Variants in NTAN1 observed in about 807,000 individuals in gnomAD.
The protein encoded by NTAN1 is N-terminal asparagine amidase.
Under a neutral mutation model 41.9 loss-of-function variants are expected in NTAN1, and 32 were observed. The ratio of observed to expected loss-of-function variants is 0.76; its 90% CI spans 0.58 to 1.03. The LOEUF (loss-of-function observed/expected upper bound fraction) is 1.03. Among genes scored for constraint, NTAN1 ranks in the 50% least tolerant of loss-of-function variants. The pLI, the probability that NTAN1 is intolerant of heterozygous loss-of-function variation, is 0.00. For missense variants in NTAN1, 377 were observed against 377.5 expected (o/e 1.00, Z 0.01); for synonymous variants, 140 against 139.5 (o/e 1.00, Z -0.03).
rs924183989 is a variant in NTAN1 at position 15,038,397 on chromosome 16, A to G, written c.753+177T>C. The stretch of plus-strand genomic sequence containing the variant: ...GCTTTACCCACACACATTTCCATCT[A>G]GGACTTGACATATCCCCATTTGATA... On this transcript the variant is annotated intron_variant, in intron 9 of 9. Coordinates refer to ENST00000287706, the MANE Select transcript of NTAN1 (RefSeq NM_173474.4). 4.8e-6 allele frequency: 3 copies of G among 622,854 alleles called. No individual in the cohort carries two copies. The African/African-American group carries it at 5.5e-5, about 12-fold the overall frequency. 38.6% of individuals were successfully genotyped at this position (622,854 alleles called of 1,614,324 possible). A position where few individuals can be genotyped will look rare whatever the true frequency, so the allele number is the denominator to read the frequency against.
chr16:15,042,482 G>A (rs1047958227), intron 5 of NTAN1, among the ~76,000 whole-genome samples: 1 of 152,038 alleles, frequency 6.6e-6, no homozygotes, highest in African/African-American at 2.4e-5. Context: ...GAGCCACTGC[G>A]CCCAGTCGAC....
rs146251950 is a variant in NTAN1, at chr16:15,042,085, G to A, written c.434-409C>T. Among the ~76,000 whole-genome samples, 105 of 152,184 alleles carry A rather than the reference G, an allele frequency of 6.9e-4. No individual in the cohort carries two copies. The East Asian group carries it at 0.017, about 24-fold the overall frequency. On this transcript the variant is annotated intron_variant, in intron 5 of 9. Coordinates refer to ENST00000287706, the MANE Select transcript of NTAN1 (RefSeq NM_173474.4). ...AAATACAAGAGAACATAAGGAAGTC[G>A]GTTTTTAATGTCCATAATCCTAACA... is the stretch of plus-strand genomic sequence containing the variant.
chr16:15,038,402 T>G (rs970742563), intron 9 of NTAN1, 172 bp downstream of exon 9: 10 of 624,400 alleles, frequency 1.6e-5, no homozygotes, highest in African/African-American at 3.7e-5. Context: ...CATCTAGGAC[T>G]TGACATATCC....
intron 6 of NTAN1, 101 bp from the exon 7 acceptor site, chr16:15,041,222 AAGGG>A: frequency 2.6e-6 from 2 of 775,890 alleles, no homozygotes; most frequent in Non-Finnish European, 4.5e-6. Flanking sequence ...TCGATGCAGA[AAGGG>A]AGGAAAATTC....
chr16:15,038,923 G>GT lies in NTAN1; in HGVS notation c.640-237dup, dbSNP rs574328541. Among the ~76,000 whole-genome samples the GT allele has an allele frequency of 3.3e-3, 498 of 152,300 alleles. 10 individuals carry two copies. The highest frequency in any genetic ancestry group is 0.01 in the Middle Eastern group (3 of 294). On this transcript the variant is annotated intron_variant, in intron 8 of 9. Transcript: ENST00000287706. ...AACAGCAGTCCCACAGGACGAGGGT[G>GT]TTTTTTCCCATTTGGGGTGAAAACT...
At chr16:15,042,149 A>G (rs948899902) in intron 5 of NTAN1, among the ~76,000 whole-genome samples, 7 of 151,926 alleles carry the variant, frequency 4.6e-5, no homozygotes, top group African/African-American at 1.7e-4. Flanking sequence ...TATTTTTCTA[A>G]GCTCAGCAGA....
At chr16:15,050,177 TA>T (rs917879938) in intron 1 of NTAN1, among the ~76,000 whole-genome samples, 13 of 152,122 alleles carry the variant, frequency 8.5e-5, no homozygotes, top group African/African-American at 2.2e-4. Context: ...AGTAAGCTTG[TA>T]AAAAAAATTC....
At position 15,038,633 on chromosome 16, in the gene NTAN1, A is replaced by C; in HGVS notation, c.694T>G (p.Trp232Gly). 6.2e-7 allele frequency: 1 copy of C among 1,610,534 alleles called. No homozygotes were observed. Among genetic ancestry groups the C allele is most frequent in the Non-Finnish European group, 8.5e-7 (1 of 1,176,866 alleles). The change falls in exon 9 of 10, where the codon TGG becomes GGG. Residue 232 changes from tryptophan (W) to glycine (G), a missense_variant. Coordinates refer to ENST00000287706, the MANE Select transcript of NTAN1 (RefSeq NM_173474.4). ...TEQLRIGPYS[W>G]TPFPHVDFWL... ...AAATCCACATGTGGAAATGGTGTCC[A>C]GGAGTACGGTCCTATACGAAGTTGT... is the stretch of plus-strand genomic sequence containing the variant.
chr16:15,042,160 G>A (rs1341181996), intron 5 of NTAN1, among the ~76,000 whole-genome samples: 1 of 151,552 alleles, frequency 6.6e-6, no homozygotes, highest in Non-Finnish European at 1.5e-5. Flanking sequence ...GCTCAGCAGA[G>A]CTGACTATAA....
chr16:15,038,713 A>G (rs769442649), intron 8 of NTAN1, 26 bp from the exon 9 acceptor site: 1 of 1,288,124 alleles, frequency 7.8e-7, no homozygotes, highest in Non-Finnish European at 1.1e-6. Context: ...TCAAGGATAG[A>G]ATTTCAGGAA....
chr16:15,043,301 G>A (rs1293419174), intron 5 of NTAN1, among the ~76,000 whole-genome samples: 1 of 152,216 alleles, frequency 6.6e-6, no homozygotes, highest in African/African-American at 2.4e-5. Context: ...CTCCCAAAGT[G>A]CTGGGATTAC....
intron 5 of NTAN1, among the ~76,000 whole-genome samples, chr16:15,043,272 G>C (rs886761021): frequency 6.6e-6 from 1 of 152,188 alleles, no homozygotes; most frequent in Admixed American, 6.5e-5. Flanking sequence ...CTGACCTTAG[G>C]TGATCCACCT....
At chr16:15,051,163 T>C (rs2044276876) in intron 1 of NTAN1, among the ~76,000 whole-genome samples, 1 of 152,264 alleles carries the variant, frequency 6.6e-6, no homozygotes, top group South Asian at 2.1e-4. Flanking sequence ...GGCGAATTTT[T>C]AACACTCATG....
Position 15,056,011 on chromosome 16 carries a change from G to GC in NTAN1, c.-41dup, listed in dbSNP as rs930992804. ...CCCAGGCAGGCCCAGGGAGGCGGCG[G>GC]CCCCCCGCTTTGCAGCCCCGGGCCG... On this transcript the variant is annotated 5_prime_UTR_variant, in exon 1 of 10. Coordinates refer to ENST00000287706, the MANE Select transcript of NTAN1 (RefSeq NM_173474.4). The GC allele has an allele frequency of 3.0e-5, 33 of 1,113,894 alleles. No homozygotes were observed. The highest frequency in any genetic ancestry group is 1.4e-4 in the Admixed American group (3 of 21,718). The allele number at this position is 1,113,894 out of a possible 1,614,324, so 69.0% of individuals were successfully genotyped here. A position where few individuals can be genotyped will look rare whatever the true frequency, so the allele number is the denominator to read the frequency against.
rs148682831 is a variant in NTAN1 at position 15,044,455 on chromosome 16, C to T, written c.360-48G>A. 4.8e-4 allele frequency: 580 copies of T among 1,201,038 alleles called. 2 individuals are homozygous for T. The East Asian group carries it at 0.013, about 26-fold the overall frequency. The allele number at this position is 1,201,038 out of a possible 1,614,324, so 74.4% of individuals were successfully genotyped here. ...CAGAGGCCAGAAGAAGACACCGGTG[C>T]GTGCGCTGGTCTCACTTTGAACTTT... On this transcript the variant is annotated intron_variant, in intron 4 of 9. Coordinates refer to ENST00000287706, the MANE Select transcript of NTAN1 (RefSeq NM_173474.4).
chr16:15,044,407 C>A lies in NTAN1; in HGVS notation c.360G>T (p.Arg120Ser). 1 of 1,611,532 alleles carries A rather than the reference C, an allele frequency of 6.2e-7. No individual in the cohort carries two copies. The highest frequency in any genetic ancestry group is 8.5e-7 in the Non-Finnish European group (1 of 1,177,668). Residue 120 changes from arginine (R) to serine (S), a missense_variant and splice_region_variant, in exon 5 of 10, where the codon AGG becomes AGT. Physicochemically the swap from Arg to Ser is moderately radical, Grantham distance 110 (BLOSUM62 -1). Transcript: ENST00000287706. ...KSFSDHAQCGRLEVHLVGGFS... is the reference protein window; with the variant it reads ...KSFSDHAQCGSLEVHLVGGFS... ...AGCCTCCAACAAGGTGTACTTCCAG[C>A]CTGGCAAAGAGATGAGACGGGTCAG...
rs551078773 is a variant in NTAN1 at position 15,037,879 on chromosome 16, TTGAAAGTCATTTGA to T, written c.*138_*151del. ...GCCTTTGCCAAAATAAGGTTTTATT[TTGAAAGTCATTTGA>T]TGAAAGTCATTTGAAAGACACTGAG... On this transcript the variant is annotated 3_prime_UTR_variant, in exon 10 of 10. Transcript: ENST00000287706. 1.5e-4 allele frequency: 85 copies of T among 555,728 alleles called. No homozygotes were observed. In the South Asian group the frequency reaches 1.6e-3, roughly 11 times the overall value. The allele number at this position is 555,728 out of a possible 1,614,324, so 34.4% of individuals were successfully genotyped here.
intron 1 of NTAN1, among the ~76,000 whole-genome samples, chr16:15,052,966 AGG>A (rs887437310): frequency 1.3e-5 from 2 of 152,162 alleles, no homozygotes; most frequent in African/African-American, 2.4e-5. Context: ...AGAGTGACTA[AGG>A]GAGGGCTCTA....
At chr16:15,048,212 G>T in intron 1 of NTAN1, 113 bp from the exon 2 acceptor site, 1 of 687,830 alleles carries the variant, frequency 1.5e-6, no homozygotes, top group Non-Finnish European at 2.5e-6. Context: ...TAGTGTGTGG[G>T]GAGTGTGTTA....
Sources: gnomAD v4.1 joint callset for allele counts (sites outside exome capture counted in the v4.1 genomes callset) on GRCh38, gnomAD v4.1.1 for gene constraint, MANE v1.5 for transcripts, NCBI Gene and HGNC (gene_info 2026-07-23, HGNC 2026-07-21) for gene names.